The following ZMYND8 variants were observed in gnomAD, a reference collection of about 807,000 sequenced individuals.
ZMYND8 encodes zinc finger MYND-type containing 8, also known as MYND-type zinc finger-containing chromatin reader ZMYND8.
ZMYND8 carries 37 observed loss-of-function variants against 140.8 expected under a neutral mutation model. The observed-to-expected ratio is 0.26, with a 90% CI of 0.20 to 0.35. The LOEUF is 0.35. Among genes scored for constraint, ZMYND8 ranks in the 10% least tolerant of loss-of-function variants. The pLI is 1.00. For synonymous variants in ZMYND8, 592 were observed against 597.1 expected (o/e 0.99, Z 0.12); for missense variants, 1,068 against 1,570.0 (o/e 0.68, Z 5.40).
intron 16 of ZMYND8, among the ~76,000 whole-genome samples, chr20:47,236,122 T>C (rs2039199238): frequency 6.6e-6 from 1 of 152,254 alleles, no homozygotes; most frequent in African/African-American, 2.4e-5. Context: ...TAAGCCCACT[T>C]GGAGTAAGAT....
chr20:47,238,480 A>G (rs1293160078), intron 15 of ZMYND8: 3 of 529,856 alleles, frequency 5.7e-6, no homozygotes, highest in Non-Finnish European at 1.0e-5. Context: ...TAAACGGGAT[A>G]ACAGACTTTT....
At chr20:47,228,551 C>G (rs1217561304) in intron 17 of ZMYND8, among the ~76,000 whole-genome samples, 1 of 152,200 alleles carries the variant, frequency 6.6e-6, no homozygotes, top group Non-Finnish European at 1.5e-5. Context: ...GTTTCTAAAG[C>G]CTTATTCTTT....
Position 47,318,392 on chromosome 20 carries a change from C to A in ZMYND8, c.86-8188G>T, listed in dbSNP as rs1391734605. ...ATCACTTCAAAGCGTTTCCCAAAGA[C>A]ACAGAGCAGGTACCCAAACAGGCCT... On this transcript the variant is annotated intron_variant, in intron 2 of 22. Transcript: ENST00000471951. 9.2e-6 allele frequency: 3 copies of A among 325,514 alleles called. No individual in the cohort carries two copies. The Admixed American group carries it at 1.4e-4, about 15-fold the overall frequency. 20.2% of individuals were successfully genotyped at this position (325,514 alleles called of 1,614,324 possible). A position where few individuals can be genotyped will look rare whatever the true frequency, so the allele number is the denominator to read the frequency against.
chr20:47,261,592 C>CATCATT (rs1361301063), intron 12 of ZMYND8, among the ~76,000 whole-genome samples: 1 of 82,036 alleles, frequency 1.2e-5, no homozygotes, highest in African/African-American at 3.6e-5. Flanking sequence ...TCATCATCAT[C>CATCATT]ATCCAGGGAA....
At chr20:47,240,794 T>A (rs1325573064) in intron 14 of ZMYND8, among the ~76,000 whole-genome samples, 1 of 151,266 alleles carries the variant, frequency 6.6e-6, no homozygotes, top group Non-Finnish European at 1.5e-5. Flanking sequence ...GACCTCATGA[T>A]CCATCCGCCT....
intron 12 of ZMYND8, among the ~76,000 whole-genome samples, chr20:47,256,402 G>C (rs1431546233): frequency 1.3e-5 from 2 of 152,096 alleles, no homozygotes; most frequent in Non-Finnish European, 2.9e-5. Flanking sequence ...AGTGGATCAC[G>C]AGGTCAGGAG....
At chr20:47,305,520 C>G (rs1406390107) in intron 3 of ZMYND8, among the ~76,000 whole-genome samples, 1 of 149,286 alleles carries the variant, frequency 6.7e-6, no homozygotes, top group Non-Finnish European at 1.5e-5. Context: ...GGATTACAGG[C>G]ATGAGCCACC....
At chr20:47,352,060 A>C (rs1034530168) in intron 1 of ZMYND8, 1 of 954,596 alleles carries the variant, frequency 1.0e-6, no homozygotes, top group African/African-American at 1.8e-5. Context: ...CCCTCAAATT[A>C]GGTGGGTAGA....
chr20:47,318,833 G>A lies in ZMYND8; in HGVS notation c.86-8629C>T, dbSNP rs1045797933. ...GGATAGGGAGGGCTGGAATGGAAAT[G>A]AGGCTGTGGAATGAAAGGTCACTCT... On this transcript the variant is annotated intron_variant, in intron 2 of 22. Transcript: ENST00000471951. 3 of 707,396 alleles carry A rather than the reference G, an allele frequency of 4.2e-6. No homozygotes were observed. In the Admixed American group the frequency reaches 7.0e-5, roughly 16 times the overall value. The allele number at this position is 707,396 out of a possible 1,614,324, so 43.8% of individuals were successfully genotyped here.
At chr20:47,267,163 T>G (rs1439512246) in intron 11 of ZMYND8, among the ~76,000 whole-genome samples, 2 of 151,780 alleles carry the variant, frequency 1.3e-5, no homozygotes, top group Admixed American at 1.3e-4. Context: ...TTCTTTCATT[T>G]CACTGAAACA....
intron 2 of ZMYND8, among the ~76,000 whole-genome samples, chr20:47,316,794 CAAA>C (rs895669943): frequency 8.9e-5 from 9 of 101,164 alleles, no homozygotes; most frequent in Admixed American, 2.1e-4. Flanking sequence ...GACTCGCTCT[CAAA>C]AAAAAAAAAA....
Position 47,261,558 on chromosome 20 carries a change from TCATCATC to T in ZMYND8, c.1621+723_1621+729del, listed in dbSNP as rs1346265394. 3.0e-3 allele frequency among the ~76,000 whole-genome samples: 177 copies of T among 59,256 alleles called. 1 individual carries two copies. Among genetic ancestry groups the T allele is most frequent in the African/African-American group, 8.6e-3 (166 of 19,298 alleles). 38.9% of individuals were successfully genotyped at this position (59,256 alleles called of 152,430 possible). Reference sequence around the variant, plus strand: ...ATCTCTAAAAAAACAGTTATCATCATCATCATCATCATCATCATCATCATCATCATCA... The same window carrying T: ...ATCTCTAAAAAAACAGTTATCATCATATCATCATCATCATCATCATCATCA... On this transcript the variant is annotated intron_variant, in intron 12 of 22. Coordinates refer to ENST00000471951, the MANE Select transcript of ZMYND8 (RefSeq NM_001281775.3).
At chr20:47,271,322 T>C (rs1457474056) in intron 11 of ZMYND8, among the ~76,000 whole-genome samples, 1 of 152,214 alleles carries the variant, frequency 6.6e-6, no homozygotes, top group African/African-American at 2.4e-5. Context: ...GCATTTGCCC[T>C]ATTGTATTTC....
At chr20:47,344,047 C>T (rs1291101382) in intron 2 of ZMYND8, among the ~76,000 whole-genome samples, 3 of 150,714 alleles carry the variant, frequency 2.0e-5, no homozygotes, top group African/African-American at 7.4e-5. Context: ...TAACTACAAC[C>T]TCCGTCTCCA....
At chr20:47,312,165 G>C (rs1490711726) in intron 2 of ZMYND8, among the ~76,000 whole-genome samples, 1 of 152,186 alleles carries the variant, frequency 6.6e-6, no homozygotes, top group Non-Finnish European at 1.5e-5. Flanking sequence ...TCAGCATGTA[G>C]GCTGCATGGT....
chr20:47,260,464 C>T (rs2075072052), intron 12 of ZMYND8, among the ~76,000 whole-genome samples: 1 of 138,248 alleles, frequency 7.2e-6, no homozygotes, highest in South Asian at 2.4e-4. Context: ...TCCTACAACA[C>T]ACCCAGTTAC....
chr20:47,272,957 T>C (rs1175157928), intron 11 of ZMYND8, among the ~76,000 whole-genome samples: 2 of 152,204 alleles, frequency 1.3e-5, no homozygotes, highest in Non-Finnish European at 2.9e-5. Context: ...CTCCCTCCAC[T>C]AAATGCTATT....
chr20:47,340,639 A>T (rs1379077132), intron 2 of ZMYND8, among the ~76,000 whole-genome samples: 1 of 151,544 alleles, frequency 6.6e-6, no homozygotes, highest in Non-Finnish European at 1.5e-5. Context: ...ACTAAAAATT[A>T]AAAAATTAGC....
chr20:47,221,508 T>A lies in ZMYND8; in HGVS notation c.3257-34A>T, dbSNP rs181060977. On this transcript the variant is annotated intron_variant, in intron 19 of 22. Coordinates refer to ENST00000471951, the MANE Select transcript of ZMYND8 (RefSeq NM_001281775.3). ...AAAGGAGAGAGAGAGACGCCACATA[T>A]ACACAGAGTACGATGATTTTGAAAC... The A allele has an allele frequency of 7.3e-3, 11,680 of 1,605,584 alleles. 54 individuals carry two copies. The highest frequency in any genetic ancestry group is 8.7e-3 in the Non-Finnish European group (10,232 of 1,176,542).
Sources: gnomAD v4.1 joint callset for allele counts (sites outside exome capture counted in the v4.1 genomes callset) on GRCh38, gnomAD v4.1.1 for gene constraint, MANE v1.5 for transcripts, NCBI Gene and HGNC (gene_info 2026-07-23, HGNC 2026-07-21) for gene names.